The following CACNA1S variants were observed in gnomAD, a reference collection of about 807,000 sequenced individuals.
CACNA1S encodes calcium voltage-gated channel subunit alpha1 S, also known as voltage-dependent L-type calcium channel subunit alpha-1S.
A neutral mutation model predicts 207.4 loss-of-function variants in CACNA1S; 126 were observed. The observed-to-expected ratio is 0.61, with a 90% CI of 0.53 to 0.70. CACNA1S has a LOEUF of 0.70. CACNA1S is among the 30% of genes least tolerant of loss of function. The pLI is 0.00. For missense variants in CACNA1S, 2,349 were observed against 2,422.8 expected, an observed-to-expected ratio of 0.97 and a Z score of 0.64; for synonymous variants, 960 against 932.7, an observed-to-expected ratio of 1.03 and a Z score of -0.53.
rs1272205273 is a variant in CACNA1S, at chr1:201,050,498, C to T, written c.4132G>A (p.Ala1378Thr). 2.5e-6 allele frequency: 4 copies of T among 1,613,970 alleles called. No homozygotes were observed. Among genetic ancestry groups the T allele is most frequent in the Non-Finnish European group, 2.5e-6 (3 of 1,180,024 alleles). ...TAGTCAAAATTGTCCATGATGACAG[C>T]CACAAAGAGGTTGATGACCTGCAAG... ...CAFLVINLFV[A>T]VIMDNFDYLT... Residue 1378 changes from alanine (A) to threonine (T), a missense_variant, in exon 34 of 44, where the codon GCT becomes ACT. Ala to Thr is a moderately conservative substitution (Grantham distance 58). Transcript: ENST00000362061.
chr1:201,053,657 G>T lies in CACNA1S; in HGVS notation c.3667-70C>A, dbSNP rs1487758067. ...AGAGGGGTAAGGGGCAGGGCGGGGAGGGAGGTGCACTGTGTGTTTTGGGGA... is the reference window on the plus strand; with the variant it reads ...AGAGGGGTAAGGGGCAGGGCGGGGATGGAGGTGCACTGTGTGTTTTGGGGA... On this transcript the variant is annotated intron_variant, in intron 29 of 43. Coordinates refer to ENST00000362061, the MANE Select transcript of CACNA1S (RefSeq NM_000069.3). This position sits in a 1 kb window ranked among gnomAD's most constrained non-coding sequence, Gnocchi z 5.1. 2.7e-6 allele frequency: 4 copies of T among 1,484,606 alleles called. No individual in the cohort carries two copies. The highest frequency in any genetic ancestry group is 1.4e-5 in the African/African-American group (1 of 72,474). 92.0% of individuals were successfully genotyped at this position (1,484,606 alleles called of 1,614,324 possible). A position where few individuals can be genotyped will look rare whatever the true frequency, so the allele number is the denominator to read the frequency against.
intron 2 of CACNA1S, among the ~76,000 whole-genome samples, chr1:201,094,999 C>A (rs969862645): frequency 3.8e-4 from 58 of 152,134 alleles, no homozygotes; most frequent in African/African-American, 1.4e-3. Flanking sequence ...CCATCTGAAC[C>A]CTGGCTTGGC....
intron 26 of CACNA1S, among the ~76,000 whole-genome samples, chr1:201,059,694 G>A (rs1433624879): frequency 1.3e-5 from 2 of 152,188 alleles, no homozygotes; most frequent in African/African-American, 4.8e-5. Flanking sequence ...GTACAGGACT[G>A]GGAAAGAAGA....
At chr1:201,091,552 C>T in intron 5 of CACNA1S, 88 bp downstream of exon 5, 20 of 1,463,190 alleles carry the variant, frequency 1.4e-5, no homozygotes, top group Non-Finnish European at 1.9e-5. Flanking sequence ...AATGGCTGAG[C>T]TCCGGGCTCC....
chr1:201,077,805 G>A, intron 11 of CACNA1S, 74 bp downstream of exon 11: 2 of 985,532 alleles, frequency 2.0e-6, no homozygotes, highest in Non-Finnish European at 3.2e-6. Context: ...CTCAGGAAAT[G>A]AGATGGGTGT....
chr1:201,106,248 G>A (rs1001461873), intron 2 of CACNA1S, among the ~76,000 whole-genome samples: 1 of 150,284 alleles, frequency 6.7e-6, no homozygotes, highest in African/African-American at 2.5e-5. Context: ...ACCATCACCA[G>A]TGCCTTGGCC....
At position 201,059,057 on chromosome 1, in the gene CACNA1S, G is replaced by A. The variant is rs558189849; in HGVS notation, c.3525+132C>T. 3 of 647,570 alleles carry A rather than the reference G, an allele frequency of 4.6e-6. No homozygotes were observed. The South Asian group carries it at 5.3e-5, about 11-fold the overall frequency. The allele number at this position is 647,570 out of a possible 1,614,324, so 40.1% of individuals were successfully genotyped here. On this transcript the variant is annotated intron_variant, in intron 27 of 43. Transcript: ENST00000362061. ...TCTGAAGGTGGAAGTGGGCAAAGGG[G>A]TGAGCAAGTTGGGAGCAGAAGTGCT... is the stretch of plus-strand genomic sequence containing the variant.
intron 28 of CACNA1S, among the ~76,000 whole-genome samples, chr1:201,056,070 G>GAC (rs58170287): frequency 0.037 from 3,532 of 94,858 alleles, 63 homozygotes; most frequent in African/African-American, 0.046. Context: ...CAGACAGACA[G>GAC]ACACACACAC....
Position 201,074,019 on chromosome 1 carries a change from C to T in CACNA1S, c.2064-377G>A, listed in dbSNP as rs557171174. 5.9e-5 allele frequency among the ~76,000 whole-genome samples: 9 copies of T among 152,232 alleles called. No homozygotes were observed. The East Asian group carries it at 1.7e-3, about 29-fold the overall frequency. On this transcript the variant is annotated intron_variant, in intron 14 of 43. Coordinates refer to ENST00000362061, the MANE Select transcript of CACNA1S (RefSeq NM_000069.3). ...ACTCCATTGCTGGTCCCTCTTTTTC[C>T]ATCTTGCCTCCACAGGAATGGGTGT...
At chr1:201,082,337 T>C (rs1661869516) in intron 10 of CACNA1S, among the ~76,000 whole-genome samples, 1 of 151,954 alleles carries the variant, frequency 6.6e-6, no homozygotes, top group African/African-American at 2.4e-5. Flanking sequence ...TCAGGTATTT[T>C]TTTTATAGCA....
intron 32 of CACNA1S, 106 bp from the exon 33 acceptor site, chr1:201,051,249 T>C: frequency 9.5e-7 from 1 of 1,048,588 alleles, no homozygotes; most frequent in South Asian, 1.3e-5. Context: ...AAACTGGGGC[T>C]GTTGTCCAAT....
intron 22 of CACNA1S, among the ~76,000 whole-genome samples, chr1:201,063,727 C>G (rs996787051): frequency 6.6e-6 from 1 of 152,210 alleles, no homozygotes; most frequent in African/African-American, 2.4e-5. Flanking sequence ...CCTTGCCCCC[C>G]GCTGCCCCTG....
In CACNA1S at chr1:201,077,990, A is replaced by G. The variant is rs763510310; in HGVS notation, c.1508T>C (p.Val503Ala). ...GATCTCCAGGATACCGCTACACACCACGAAGCAGTCGAAGCGGTTGAAGAT... is the reference window on the plus strand; with the variant it reads ...GATCTCCAGGATACCGCTACACACCGCGAAGCAGTCGAAGCGGTTGAAGAT... ...MSIFNRFDCF[V>A]VCSGILEILL... The change falls in exon 11 of 44, where the codon GTG (valine) becomes GCG (alanine). Residue 503 changes from valine to alanine, a missense_variant. Val to Ala is a moderately conservative substitution (Grantham distance 64). Transcript: ENST00000362061. 6.2e-7 allele frequency: 1 copy of G among 1,614,156 alleles called. No homozygotes were observed. Among genetic ancestry groups the G allele is most frequent in the South Asian group, 1.1e-5 (1 of 91,086 alleles).
intron 10 of CACNA1S, among the ~76,000 whole-genome samples, chr1:201,079,935 C>T (rs554158477): frequency 1.3e-5 from 2 of 152,210 alleles, no homozygotes; most frequent in South Asian, 2.1e-4. Context: ...TCGCAACCAA[C>T]CCTATCTCAA....
chr1:201,084,853 T>C (rs1661971600), intron 9 of CACNA1S, 97 bp downstream of exon 9: 7 of 877,372 alleles, frequency 8.0e-6, no homozygotes, highest in Non-Finnish European at 1.3e-5. Context: ...ATTAGACAAG[T>C]GACTCTGAAA....
chr1:201,048,527 G>T (rs1158825043), intron 36 of CACNA1S, 55 bp downstream of exon 36: 15 of 1,381,370 alleles, frequency 1.1e-5, no homozygotes, highest in Non-Finnish European at 1.5e-5. Flanking sequence ...CAGAATCTGT[G>T]CCAGAAACAG....
chr1:201,078,952 C>G (rs544352729), intron 10 of CACNA1S, among the ~76,000 whole-genome samples: 1 of 152,068 alleles, frequency 6.6e-6, no homozygotes, highest in South Asian at 2.1e-4. Flanking sequence ...AAAACCCCCT[C>G]TCTACTAAAA....
intron 28 of CACNA1S, 52 bp from the exon 29 acceptor site, chr1:201,054,613 G>T: frequency 6.8e-7 from 1 of 1,471,622 alleles, no homozygotes; most frequent in Non-Finnish European, 9.4e-7. Flanking sequence ...AGAGGAGGAG[G>T]GACATGTGGG....
chr1:201,052,151 C>T (rs1298930067), intron 32 of CACNA1S, among the ~76,000 whole-genome samples: 1 of 152,216 alleles, frequency 6.6e-6, no homozygotes, highest in Non-Finnish European at 1.5e-5. Context: ...GGCCCCTGCG[C>T]CCTACCTGTG....
Sources: allele counts gnomAD v4.1 joint callset (sites outside exome capture counted in the v4.1 genomes callset), GRCh38; gene constraint gnomAD v4.1.1; non-coding constraint Gnocchi (gnomAD v3.1); transcripts MANE v1.5; gene names NCBI Gene and HGNC (gene_info 2026-07-23, HGNC 2026-07-21).